The following RBM25 variants were observed in gnomAD, a reference collection of about 807,000 sequenced individuals.
The protein encoded by RBM25 is RNA-binding protein 25.
Under a neutral mutation model 120.7 loss-of-function variants are expected in RBM25, and 19 were observed. The observed-to-expected ratio is 0.16, with a 90% confidence interval of 0.11 to 0.23. The LOEUF is 0.23. RBM25 is among the 10% of genes least tolerant of loss of function. The pLI is 1.00. For missense variants in RBM25, 605 were observed against 1,041.5 expected (o/e 0.58, Z 5.77); for synonymous variants, 390 against 326.7 (o/e 1.19, Z -2.09).
chr14:73,061,246 C>G (rs1206186459), intron 1 of RBM25, among the ~76,000 whole-genome samples: 1 of 150,250 alleles, frequency 6.7e-6, no homozygotes, highest in Non-Finnish European at 1.5e-5. Context: ...TTAGTAGAGA[C>G]GGGGTTTGAC....
intron 4 of RBM25, among the ~76,000 whole-genome samples, chr14:73,080,587 T>C (rs541407901): frequency 1.1e-4 from 16 of 152,252 alleles, no homozygotes; most frequent in African/African-American, 3.8e-4. Context: ...GTGAAATACC[T>C]TATTCCTATT....
chr14:73,059,148 A>C (rs1425471004), intron 1 of RBM25: 1 of 152,140 alleles, frequency 6.6e-6, no homozygotes, highest in Non-Finnish European at 1.5e-5. Context: ...CCTTGAAGTT[A>C]GCCTCTACCC....
At chr14:73,092,877 T>C (rs1222998336) in intron 6 of RBM25, among the ~76,000 whole-genome samples, 1 of 152,162 alleles carries the variant, frequency 6.6e-6, no homozygotes, top group African/African-American at 2.4e-5. Flanking sequence ...AGATTCAGAA[T>C]TTTAAGAAGA....
At chr14:73,076,705 A>G (rs1287313147) in intron 3 of RBM25, among the ~76,000 whole-genome samples, 1 of 149,336 alleles carries the variant, frequency 6.7e-6, no homozygotes, top group Non-Finnish European at 1.5e-5. Context: ...AGGATGTGAC[A>G]TGTCTGATCT....
chr14:73,085,215 C>T (rs2140438442), intron 5 of RBM25, among the ~76,000 whole-genome samples: 1 of 149,576 alleles, frequency 6.7e-6, no homozygotes. Context: ...GACAGGGTTT[C>T]ACCGTGTTGG....
chr14:73,099,739 G>C lies in RBM25; in HGVS notation c.856G>C (p.Asp286His). ...ATCTCGAGAGATCAGCAAATTCAGAGACACACATAAGGTAGTATTCTTGTC... is the reference window on the plus strand; with the variant it reads ...ATCTCGAGAGATCAGCAAATTCAGACACACACATAAGGTAGTATTCTTGTC... ...LISREISKFRDTHKKLEEEKG... is the reference protein window; with the variant it reads ...LISREISKFRHTHKKLEEEKG... Residue 286 changes from aspartate to histidine, a missense_variant, in exon 9 of 19, where the codon GAC (aspartate) becomes CAC (histidine). Asp to His is a moderately conservative substitution (Grantham distance 81, BLOSUM62 -1). Around this residue, in one of 4 missense-constraint regions of RBM25, gnomAD observed 465 missense variants for 741.6 expected, o/e 0.63. Transcript: ENST00000261973. 1 of 1,609,562 alleles carries C rather than the reference G, an allele frequency of 6.2e-7. No homozygotes were observed. The highest frequency in any genetic ancestry group is 8.5e-7 in the Non-Finnish European group (1 of 1,178,938).
intron 5 of RBM25, among the ~76,000 whole-genome samples, chr14:73,085,308 C>T (rs905672916): frequency 2.0e-5 from 3 of 149,546 alleles, no homozygotes; most frequent in Non-Finnish European, 3.0e-5. Flanking sequence ...TGAGCCACCG[C>T]GCCCGGCCTC....
At position 73,117,210 on chromosome 14, in the gene RBM25, C is replaced by CTTTTTTTTTTTTTTTTTTTTTTTT. The variant is rs71112704; in HGVS notation, c.2440-2492_2440-2469dup. On this transcript the variant is annotated intron_variant, in intron 18 of 18. Transcript: ENST00000261973. ...TTTCTTTTAATTTCTTTCTTCTTTT[C>CTTTTTTTTTTTTTTTTTTTTTTTT]TTTTTTTTTTTTTTTTTTTTTTTTT... 6.9e-4 allele frequency among the ~76,000 whole-genome samples: 34 copies of CTTTTTTTTTTTTTTTTTTTTTTTT among 49,432 alleles called. 4 individuals are homozygous for CTTTTTTTTTTTTTTTTTTTTTTTT. Among genetic ancestry groups the CTTTTTTTTTTTTTTTTTTTTTTTT allele is most frequent in the South Asian group, 2.3e-3 (2 of 856 alleles). 32.4% of individuals were successfully genotyped at this position (49,432 alleles called of 152,430 possible). A position where few individuals can be genotyped will look rare whatever the true frequency, so the allele number is the denominator to read the frequency against.
At chr14:73,118,472 G>A (rs1411512531) in intron 18 of RBM25, among the ~76,000 whole-genome samples, 4 of 145,674 alleles carry the variant, frequency 2.7e-5, no homozygotes, top group African/African-American at 1.0e-4. Flanking sequence ...GAGAGATCCT[G>A]TCTCCAGAAA....
At chr14:73,087,807 T>G (rs191698128) in intron 5 of RBM25, among the ~76,000 whole-genome samples, 194 bp from the exon 6 acceptor site, 198 of 152,284 alleles carry the variant, frequency 1.3e-3, no homozygotes, top group Non-Finnish European at 1.9e-3. Flanking sequence ...GTTTTTCCCT[T>G]TTTTTCCCCT....
At chr14:73,069,537 G>A (rs1010835419) in intron 1 of RBM25, among the ~76,000 whole-genome samples, 2 of 151,776 alleles carry the variant, frequency 1.3e-5, no homozygotes, top group Non-Finnish European at 2.9e-5. Flanking sequence ...TGGTTCAAGC[G>A]ATTCTCCTGC....
In RBM25 at chr14:73,106,234, C is replaced by T; in HGVS notation, c.1416C>T (p.Thr472=). The T allele has an allele frequency of 6.3e-7, 1 of 1,596,148 alleles. No individual in the cohort carries two copies. The highest frequency in any genetic ancestry group is 8.5e-7 in the Non-Finnish European group (1 of 1,173,756). Reference sequence around the variant, plus strand: ...GGGAAATCAGAGAACGAAAGAAAACCCGGGAATATGAGAAAGAAGCTGAAA... The same window carrying T: ...GGGAAATCAGAGAACGAAAGAAAACTCGGGAATATGAGAAAGAAGCTGAAA... ...KNWEIRERKK[T]REYEKEAERE... The change falls in exon 12 of 19, where the codon ACC becomes ACT. Residue 472 remains threonine (T), a synonymous_variant. Coordinates refer to ENST00000261973, the MANE Select transcript of RBM25 (RefSeq NM_021239.3).
Position 73,103,245 on chromosome 14 carries a change from A to G in RBM25, c.921A>G (p.Lys307=), listed in dbSNP as rs1896089344. 6.2e-7 allele frequency: 1 copy of G among 1,604,352 alleles called. No homozygotes were observed. Among genetic ancestry groups the G allele is most frequent in the African/African-American group, 1.3e-5 (1 of 74,610 alleles). ...AAAAAGAAAGACAGGAAATTGAGAA[A>G]GAACGGAGAGAAAGAGAGAGGGAGC... The part of the protein sequence containing the change: ...KKEKERQEIE[K]ERRERERERE... Residue 307 remains lysine, a synonymous_variant, in exon 10 of 19, where the codon AAA becomes AAG. Coordinates refer to ENST00000261973, the MANE Select transcript of RBM25 (RefSeq NM_021239.3).
intron 4 of RBM25, among the ~76,000 whole-genome samples, chr14:73,078,196 G>A (rs1346984069): frequency 1.3e-5 from 2 of 152,084 alleles, no homozygotes; most frequent in Admixed American, 6.6e-5. Flanking sequence ...TCAGCTACTC[G>A]GGTGGCTGAA....
rs1465576289 is a variant in RBM25 at position 73,083,929 on chromosome 14, ACT to A, written c.382+381_382+382del. On this transcript the variant is annotated intron_variant, in intron 5 of 18. Transcript: ENST00000261973. Reference sequence around the variant, plus strand: ...TTTTTTTTTTTTGAGACCTAGTCTCACTCTGTCACCCAGGCTGGAGTGCAGTG... The same window carrying A: ...TTTTTTTTTTTTGAGACCTAGTCTCACTGTCACCCAGGCTGGAGTGCAGTG... Among the ~76,000 whole-genome samples, 2 of 146,432 alleles carry A rather than the reference ACT, an allele frequency of 1.4e-5. 1 individual carries two copies. The highest frequency in any genetic ancestry group is 5.1e-5 in the African/African-American group (2 of 39,302).
At chr14:73,067,956 T>C (rs1956535268) in intron 1 of RBM25, among the ~76,000 whole-genome samples, 1 of 152,176 alleles carries the variant, frequency 6.6e-6, no homozygotes, top group Non-Finnish European at 1.5e-5. Context: ...TGAATCTCTT[T>C]GGATATTTAT....
At chr14:73,096,893 T>C (rs761064277) in intron 6 of RBM25, 22 bp from the exon 7 acceptor site, 1 of 1,601,672 alleles carries the variant, frequency 6.2e-7, no homozygotes, top group South Asian at 1.1e-5. Context: ...TTCTTTCCCC[T>C]GAATTTGCTG....
intron 12 of RBM25, chr14:73,107,194 T>C (rs1896208922): frequency 6.6e-6 from 1 of 152,294 alleles, no homozygotes; most frequent in South Asian, 2.1e-4. Flanking sequence ...GCTTAGGTAT[T>C]GTATTTTGAA....
chr14:73,068,651 G>T, intron 1 of RBM25: 1 of 380,782 alleles, frequency 2.6e-6, no homozygotes, highest in East Asian at 6.2e-5. Context: ...CCAAAGAGAA[G>T]GAAGCGCCAG....
Sources: allele counts gnomAD v4.1 joint callset (sites outside exome capture counted in the v4.1 genomes callset), GRCh38; gene constraint gnomAD v4.1.1; regional missense constraint gnomAD v4.1.1; transcripts MANE v1.5; gene names NCBI Gene and HGNC (gene_info 2026-07-23, HGNC 2026-07-21).